EMSY: variants seen among roughly 807,000 people sequenced by gnomAD.
EMSY encodes the protein BRCA2-interacting transcriptional repressor EMSY.
EMSY carries 26 observed loss-of-function variants against 134.6 expected under a neutral mutation model. The observed-to-expected ratio is 0.19, with a 90% CI of 0.14 to 0.27. The LOEUF is 0.27. Ranked by LOEUF, EMSY falls within the 10% of genes least tolerant of loss-of-function variation. The probability of loss-of-function intolerance (pLI) is 1.00; values close to 1 mark genes in which losing one functional copy is unlikely to be tolerated. For synonymous variants in EMSY, 579 were observed against 577.8 expected, an observed-to-expected ratio of 1.00 and a Z score of -0.03; for missense variants, 1,305 against 1,611.4, an observed-to-expected ratio of 0.81 and a Z score of 3.26.
At chr11:76,489,707 C>T (rs948439570) in intron 8 of EMSY, among the ~76,000 whole-genome samples, 2 of 151,578 alleles carry the variant, frequency 1.3e-5, no homozygotes, top group African/African-American at 4.9e-5. Flanking sequence ...TAGGTTCCAG[C>T]GATTCTCCTG....
In EMSY at chr11:76,516,163, G is replaced by A. The variant is rs375229208; in HGVS notation, c.1535G>A (p.Arg512Gln). 32 of 1,613,332 alleles carry A rather than the reference G, an allele frequency of 2.0e-5. No homozygotes were observed. In the African/African-American group the frequency reaches 2.3e-4, roughly 11 times the overall value. The change falls in exon 11 of 21, where the codon CGG becomes CAG. Residue 512 changes from arginine (R) to glutamine (Q), a missense_variant. By Grantham distance (43) the Arg-to-Gln change is conservative (BLOSUM62 1). Around this residue, in one of 7 missense-constraint regions of EMSY, gnomAD observed 198 missense variants for 287.6 expected, o/e 0.69. Transcript: ENST00000334736. The stretch of plus-strand genomic sequence containing the variant: ...GTAGGCACACAAGCAACCTATACCC[G>A]GCCAACAGTGAGCCCATCCATTGGT...
At chr11:76,491,662 A>T (rs1949430025) in intron 8 of EMSY, among the ~76,000 whole-genome samples, 1 of 152,150 alleles carries the variant, frequency 6.6e-6, no homozygotes, top group Non-Finnish European at 1.5e-5. Flanking sequence ...AAGCTTTGAG[A>T]TCCTGCGCTA....
In EMSY at chr11:76,549,824, G is replaced by A. The variant is rs1591042199; in HGVS notation, c.3775-128G>A. 8.1e-6 allele frequency: 6 copies of A among 742,792 alleles called. 1 individual carries two copies. The South Asian group carries it at 9.7e-5, about 12-fold the overall frequency. The allele number at this position is 742,792 out of a possible 1,614,324, so 46.0% of individuals were successfully genotyped here. The stretch of plus-strand genomic sequence containing the variant: ...GTGAAAGCACCTTGCACAGTGCCTG[G>A]CATGTAGTAGTTGTCCAGTTGTCCA... On this transcript the variant is annotated intron_variant, in intron 20 of 20. Transcript: ENST00000334736.
chr11:76,503,657 T>C (rs1249910708), intron 9 of EMSY, among the ~76,000 whole-genome samples: 1 of 152,122 alleles, frequency 6.6e-6, no homozygotes, highest in Non-Finnish European at 1.5e-5. Flanking sequence ...ATCAAACTCT[T>C]AGAAAAAAAC....
intron 8 of EMSY, among the ~76,000 whole-genome samples, chr11:76,486,952 A>G (rs1949210477): frequency 6.6e-6 from 1 of 152,234 alleles, no homozygotes; most frequent in Non-Finnish European, 1.5e-5. Flanking sequence ...ATACAATCAG[A>G]GAGAAAATTC....
intron 9 of EMSY, among the ~76,000 whole-genome samples, chr11:76,501,162 C>T (rs7951867): frequency 0.27 from 40,986 of 151,926 alleles, 5,824 homozygotes; most frequent in Non-Finnish European, 0.32. Flanking sequence ...TTTTTGTTGT[C>T]TTTTTCCTAA....
Position 76,445,766 on chromosome 11 carries a change from A to G in EMSY, c.-40+638A>G, listed in dbSNP as rs1460390841. ...TTCGAGCAGTCGCCGGCCGCCTCCA[A>G]GATCCTGTCGGGAGGCGGGGACTGG... On this transcript the variant is annotated intron_variant, in intron 1 of 20. Coordinates refer to ENST00000334736, the Ensembl canonical transcript of EMSY. 3.3e-5 allele frequency among the ~76,000 whole-genome samples: 5 copies of G among 152,150 alleles called. No homozygotes were observed. The South Asian group carries it at 8.3e-4, about 25-fold the overall frequency.
intron 16 of EMSY, among the ~76,000 whole-genome samples, chr11:76,538,899 A>C (rs1047066281): frequency 3.7e-4 from 57 of 152,160 alleles, no homozygotes; most frequent in Admixed American, 3.7e-3. Context: ...CAGAGGTTGC[A>C]GTGAGCTGAG....
In EMSY at chr11:76,521,370, T is replaced by A. The variant is rs182864797; in HGVS notation, c.1685-1785T>A. On this transcript the variant is annotated intron_variant, in intron 11 of 20. Coordinates refer to ENST00000334736, the Ensembl canonical transcript of EMSY. Reference sequence around the variant, plus strand: ...CATGATAAGTTTAGTTTTTTAAGGATGTAATTGTCATCCACTGTGCTAAGC... The same window carrying A: ...CATGATAAGTTTAGTTTTTTAAGGAAGTAATTGTCATCCACTGTGCTAAGC... 3.9e-5 allele frequency among the ~76,000 whole-genome samples: 6 copies of A among 152,298 alleles called. No homozygotes were observed. In the East Asian group the frequency reaches 1.2e-3, roughly 29 times the overall value.
chr11:76,457,680 G>C (rs1263960427), intron 4 of EMSY, among the ~76,000 whole-genome samples: 1 of 152,086 alleles, frequency 6.6e-6, no homozygotes, highest in Non-Finnish European at 1.5e-5. Context: ...CTTGTTTACT[G>C]CCTCAGTTTC....
intron 11 of EMSY, among the ~76,000 whole-genome samples, chr11:76,521,634 C>G (rs1950640538): frequency 6.6e-6 from 1 of 151,946 alleles, no homozygotes; most frequent in Non-Finnish European, 1.5e-5. Context: ...CATGGTGGCA[C>G]ATACCTGTAG....
chr11:76,517,551 G>T lies in EMSY; in HGVS notation c.1684+1239G>T, dbSNP rs151309737. ...TTCTTTACTTATACATGAATTTATA[G>T]TTTCATATAGCTTGAAGGAATGTTT... is the stretch of plus-strand genomic sequence containing the variant. On this transcript the variant is annotated intron_variant, in intron 11 of 20. Coordinates refer to ENST00000334736, the Ensembl canonical transcript of EMSY. 1.2e-4 allele frequency among the ~76,000 whole-genome samples: 18 copies of T among 152,190 alleles called. No individual in the cohort carries two copies. The East Asian group carries it at 3.1e-3, about 26-fold the overall frequency.
intron 8 of EMSY, among the ~76,000 whole-genome samples, chr11:76,486,859 T>G (rs1288441937): frequency 6.6e-6 from 1 of 152,198 alleles, no homozygotes; most frequent in East Asian, 1.9e-4. Context: ...GTCCTATACA[T>G]GACATGGTGA....
chr11:76,481,464 C>A (rs182348875), intron 8 of EMSY, among the ~76,000 whole-genome samples: 1 of 152,258 alleles, frequency 6.6e-6, no homozygotes, highest in African/African-American at 2.4e-5. Flanking sequence ...AAATCCCAAC[C>A]CCATGGACGC....
chr11:76,539,608 A>T (rs774330808), exon 17 of EMSY: 1 of 1,613,748 alleles, frequency 6.2e-7, no homozygotes, highest in South Asian at 1.1e-5. Context: ...GAACGCACTG[A>T]TGAGGGGACA....
exon 2 of EMSY, chr11:76,446,993 A>G (rs533870483): frequency 1.8e-5 from 29 of 1,613,602 alleles, no homozygotes; most frequent in Non-Finnish European, 2.5e-5. Flanking sequence ...ATGCAAAAGA[A>G]TTCTTCGAAA....
At chr11:76,539,737 A>G in intron 17 of EMSY, 97 bp downstream of exon 18, 1 of 1,181,622 alleles carries the variant, frequency 8.5e-7, no homozygotes, top group East Asian at 2.3e-5. Context: ...CTCATCTGGT[A>G]GAGGAAAGGT....
chr11:76,494,687 C>A lies in EMSY; in HGVS notation c.1109-1528C>A, dbSNP rs960098449. ...CCTTCCTTCCTTCCTTCCTTCCTTC[C>A]TTCCTTCCTTCCTTCCTTCCTTCCT... On this transcript the variant is annotated intron_variant, in intron 8 of 20. Transcript: ENST00000334736. 3.0e-4 allele frequency among the ~76,000 whole-genome samples: 32 copies of A among 105,648 alleles called. 2 individuals carry two copies. Among genetic ancestry groups the A allele is most frequent in the Admixed American group, 2.7e-3 (27 of 9,940 alleles). The allele number at this position is 105,648 out of a possible 152,430, so 69.3% of individuals were successfully genotyped here.
intron 14 of EMSY, among the ~76,000 whole-genome samples, chr11:76,533,366 A>G (rs1025928072): frequency 6.6e-6 from 1 of 152,194 alleles, no homozygotes; most frequent in African/African-American, 2.4e-5. Context: ...ATACAGGAAC[A>G]GACCTAGAAG....
Sources: allele counts gnomAD v4.1 joint callset (sites outside exome capture counted in the v4.1 genomes callset), GRCh38; gene constraint gnomAD v4.1.1; regional missense constraint gnomAD v4.1.1; transcripts MANE v1.5; gene names NCBI Gene and HGNC (gene_info 2026-07-23, HGNC 2026-07-21).